The following BCAR3 variants were observed in gnomAD, a reference collection of about 807,000 sequenced individuals.
The protein encoded by BCAR3 is BCAR3 adaptor protein, NSP family member, also known as breast cancer anti-estrogen resistance protein 3.
BCAR3 carries 37 observed loss-of-function variants against 80.1 expected under a neutral mutation model. The observed-to-expected ratio is 0.46, with a 90% CI of 0.36 to 0.61. The LOEUF is 0.61. Among genes scored for constraint, BCAR3 ranks in the 20% least tolerant of loss-of-function variants. BCAR3 has a pLI of 0.00. For missense variants in BCAR3, 978 were observed against 1,068.2 expected, an observed-to-expected ratio of 0.92 and a Z score of 1.18; for synonymous variants, 389 against 418.9, an observed-to-expected ratio of 0.93 and a Z score of 0.87.
At chr1:93,697,800 G>A (rs1192241578) in intron 3 of BCAR3, among the ~76,000 whole-genome samples, 3 of 152,020 alleles carry the variant, frequency 2.0e-5, no homozygotes, top group Non-Finnish European at 2.9e-5. Flanking sequence ...CCAACATGGC[G>A]AAACCCCATC....
chr1:93,688,889 G>A (rs1649069451), intron 3 of BCAR3, among the ~76,000 whole-genome samples: 1 of 152,020 alleles, frequency 6.6e-6, no homozygotes, highest in Non-Finnish European at 1.5e-5. Flanking sequence ...TGCCCACCTT[G>A]GCCTCCCAAA....
chr1:93,759,237 G>A (rs934752016), intron 2 of BCAR3, among the ~76,000 whole-genome samples: 1 of 152,176 alleles, frequency 6.6e-6, no homozygotes, highest in African/African-American at 2.4e-5. Context: ...ATAACAGGAA[G>A]GCGCCGAAAG....
At position 93,582,897 on chromosome 1, in the gene BCAR3, G is replaced by T. The variant is rs1479944849; in HGVS notation, c.1090C>A (p.Pro364Thr). The change falls in exon 7 of 12, where the codon CCT becomes ACT. Residue 364 changes from proline to threonine, a missense_variant. Pro to Thr is a conservative substitution (Grantham distance 38). Transcript: ENST00000260502. ...GGCTCGCTTCCCGTCCTGAACACAG[G>T]TGAGTTTGGGCAGGGGCTTGTGTCC... The part of the protein sequence containing the change: ...GVDTSPCPNS[P>T]VFRTGSEPAL... 3 of 1,607,572 alleles carry T rather than the reference G, an allele frequency of 1.9e-6. No homozygotes were observed. Among genetic ancestry groups the T allele is most frequent in the Non-Finnish European group, 1.7e-6 (2 of 1,179,732 alleles).
chr1:93,683,722 A>G (rs935721062), upstream of BCAR3, among the ~76,000 whole-genome samples: 2 of 152,228 alleles, frequency 1.3e-5, no homozygotes, highest in Non-Finnish European at 2.9e-5. Flanking sequence ...AAACTTCAAA[A>G]ATAGTCAAAG....
Position 93,573,153 on chromosome 1 carries a change from T to C in BCAR3, c.1803-1312A>G, listed in dbSNP as rs187706682. Among the ~76,000 whole-genome samples, 20 of 151,970 alleles carry C rather than the reference T, an allele frequency of 1.3e-4. No homozygotes were observed. In the East Asian group the frequency reaches 3.7e-3, roughly 28 times the overall value. On this transcript the variant is annotated intron_variant, in intron 8 of 11. Transcript: ENST00000260502. ...TCTCAGGCCTGTAATCCCAGCACTT[T>C]GGGAGGCTGAGGCAGGCACAATGCT...
At chr1:93,641,297 G>T (rs1032568909) in intron 3 of BCAR3, among the ~76,000 whole-genome samples, 2 of 152,190 alleles carry the variant, frequency 1.3e-5, no homozygotes, top group Non-Finnish European at 2.9e-5. Flanking sequence ...GCAGAACTCT[G>T]GGGGAAGGCA....
intron 2 of BCAR3, among the ~76,000 whole-genome samples, chr1:93,749,084 T>C (rs1033651118): frequency 1.3e-5 from 2 of 152,138 alleles, no homozygotes; most frequent in Admixed American, 1.3e-4. Flanking sequence ...GCAATGTTAC[T>C]ATATCCTTCA....
chr1:93,610,090 C>T (rs1315195491), intron 3 of BCAR3, among the ~76,000 whole-genome samples: 2 of 152,262 alleles, frequency 1.3e-5, no homozygotes, highest in African/African-American at 2.4e-5. Context: ...ACAACTCCCA[C>T]TGGGTCCCCA....
chr1:93,768,976 T>A (rs12409471), intron 2 of BCAR3, among the ~76,000 whole-genome samples: 1 of 152,148 alleles, frequency 6.6e-6, no homozygotes, highest in Non-Finnish European at 1.5e-5. Context: ...GACAGCAGGC[T>A]TCAAGACCTG....
intron 8 of BCAR3, among the ~76,000 whole-genome samples, chr1:93,573,433 C>T (rs527258634): frequency 4.6e-5 from 7 of 151,820 alleles, no homozygotes; most frequent in Admixed American, 2.0e-4. Flanking sequence ...CTGGCACTGG[C>T]GGGCACCTAA....
chr1:93,836,408 C>T (rs562001928), intron 2 of BCAR3, among the ~76,000 whole-genome samples: 1 of 151,486 alleles, frequency 6.6e-6, no homozygotes, highest in East Asian at 1.9e-4. Flanking sequence ...GACCTCGTGT[C>T]TTCCATTTAA....
intron 3 of BCAR3, among the ~76,000 whole-genome samples, chr1:93,636,113 T>C (rs1227623986): frequency 6.6e-6 from 1 of 152,150 alleles, no homozygotes; most frequent in Non-Finnish European, 1.5e-5. Context: ...GATCTGAGCC[T>C]TGGATGGCCT....
chr1:93,661,527 C>T (rs1477008826), intron 2 of BCAR3, among the ~76,000 whole-genome samples: 2 of 149,616 alleles, frequency 1.3e-5, no homozygotes, highest in African/African-American at 2.5e-5. Context: ...CGCTCTGTTG[C>T]CCCAGGCTGG....
intron 7 of BCAR3, 84 bp from the exon 8 acceptor site, chr1:93,576,213 T>A: frequency 1.0e-6 from 1 of 965,066 alleles, no homozygotes; most frequent in Non-Finnish European, 1.6e-6. Flanking sequence ...AGAAACACAC[T>A]GAACTACGAT....
In BCAR3 at chr1:93,636,071, C is replaced by T. The variant is rs17110186; in HGVS notation, c.357+6233G>A. ...AAATATGCTGGGTGACCTAATATAT[C>T]CCCAGCCGGCTGCAGGAAATGGCCT... is the stretch of plus-strand genomic sequence containing the variant. On this transcript the variant is annotated intron_variant, in intron 3 of 11. Transcript: ENST00000260502. Among the ~76,000 whole-genome samples, 637 of 152,306 alleles carry T rather than the reference C, an allele frequency of 4.2e-3. 5 individuals carry two copies. Among genetic ancestry groups the T allele is most frequent in the Non-Finnish European group, 7.8e-3 (533 of 68,030 alleles).
intron 2 of BCAR3, among the ~76,000 whole-genome samples, chr1:93,774,581 T>A (rs1351208376): frequency 6.6e-6 from 1 of 151,884 alleles, no homozygotes; most frequent in Non-Finnish European, 1.5e-5. Flanking sequence ...CCACATAGCC[T>A]GTACTGAGAC....
chr1:93,674,924 C>G lies in BCAR3; in HGVS notation c.7G>C (p.Ala3Pro). Residue 3 changes from alanine to proline, a missense_variant, in exon 2 of 12, where the codon GCA becomes CCA. Coordinates refer to ENST00000260502, the MANE Select transcript of BCAR3 (RefSeq NM_003567.4). MA[A>P]GKFASLPRNM... ...CTGGGAAGGCTTGCAAATTTTCCTG[C>G]AGCCATAATTCTCAACTCTAAGGGG... The G allele has an allele frequency of 4.5e-6, 7 of 1,553,188 alleles. 1 individual carries two copies. Among genetic ancestry groups the G allele is most frequent in the Non-Finnish European group, 6.1e-6 (7 of 1,156,656 alleles).
At chr1:93,719,156 A>G (rs886586053) in intron 2 of BCAR3, among the ~76,000 whole-genome samples, 12 of 150,720 alleles carry the variant, frequency 8.0e-5, no homozygotes, top group Non-Finnish European at 1.8e-4. Context: ...CTCCAAATAA[A>G]CCCCACTCTC....
chr1:93,820,163 T>C (rs139223225), intron 2 of BCAR3, among the ~76,000 whole-genome samples: 222 of 152,312 alleles, frequency 1.5e-3, no homozygotes, highest in African/African-American at 5.0e-3. Flanking sequence ...TCTGTGGAAA[T>C]TGGTAAGAAT....
Sources: gnomAD v4.1 joint callset for allele counts (sites outside exome capture counted in the v4.1 genomes callset) on GRCh38, gnomAD v4.1.1 for gene constraint, MANE v1.5 for transcripts, NCBI Gene and HGNC (gene_info 2026-07-23, HGNC 2026-07-21) for gene names.